Variants in NDUFAF5 observed in about 807,000 individuals in gnomAD.
NDUFAF5 encodes the protein arginine-hydroxylase NDUFAF5, mitochondrial.
NDUFAF5 carries 34 observed loss-of-function variants against 48.9 expected under a neutral mutation model. The observed-to-expected ratio is 0.70, with a 90% confidence interval of 0.53 to 0.93. The LOEUF is 0.93. Among genes scored for constraint, NDUFAF5 ranks in the 40% least tolerant of loss-of-function variants. The pLI, the probability that NDUFAF5 is intolerant of heterozygous loss-of-function variation, is 0.00. For synonymous variants in NDUFAF5, 153 were observed against 150.6 expected (o/e 1.02, Z -0.12); for missense variants, 428 against 427.5 (o/e 1.00, Z -0.01).
At chr20:13,817,078 T>G in intron 10 of NDUFAF5, 40 bp from the exon 11 acceptor site, 3 of 1,586,210 alleles carry the variant, frequency 1.9e-6, no homozygotes, top group Non-Finnish European at 1.7e-6. Flanking sequence ...CTGTGTATTA[T>G]CTATCTATTT....
chr20:13,787,462 C>A, intron 2 of NDUFAF5, 110 bp downstream of exon 2: 1 of 997,860 alleles, frequency 1.0e-6, no homozygotes, highest in South Asian at 1.3e-5. Flanking sequence ...AGAATTTACT[C>A]AGACTGGTGA....
rs1416844978 is a variant in NDUFAF5, at chr20:13,821,392, C to T, written c.*4182C>T. 1 of 152,294 alleles carries T rather than the reference C, an allele frequency of 6.6e-6. No homozygotes were observed. The highest frequency in any genetic ancestry group is 1.9e-4 in the East Asian group (1 of 5,198). The allele number at this position is 152,294 out of a possible 1,614,324, so 9.4% of individuals were successfully genotyped here. On this transcript the variant is annotated 3_prime_UTR_variant, in exon 11 of 11. Transcript: ENST00000378106. ...AGACCTAGAAGTGAGGAGCAGAGGC[C>T]TCCAGCCAAAAGCCATGTGAGGGAG...
intron 2 of NDUFAF5, 137 bp downstream of exon 2, chr20:13,787,489 AG>A: frequency 1.2e-6 from 1 of 852,398 alleles, no homozygotes; most frequent in Non-Finnish European, 2.0e-6. Flanking sequence ...TCACTCTGTA[AG>A]TCTCCTTTTT....
intron 1 of NDUFAF5, among the ~76,000 whole-genome samples, chr20:13,786,306 T>G (rs1981109149): frequency 6.6e-6 from 1 of 152,202 alleles, no homozygotes; most frequent in Non-Finnish European, 1.5e-5. Flanking sequence ...ATGTCTATTA[T>G]AGGAAGTTTA....
At chr20:13,813,916 T>C (rs895984000) in intron 8 of NDUFAF5, among the ~76,000 whole-genome samples, 4 of 152,154 alleles carry the variant, frequency 2.6e-5, no homozygotes, top group African/African-American at 9.7e-5. Flanking sequence ...TTTTTCAGAT[T>C]AGCGTTGTAA....
At chr20:13,801,973 CT>C (rs2147555821) in intron 7 of NDUFAF5, 1 of 335,598 alleles carries the variant, frequency 3.0e-6, no homozygotes, top group African/African-American at 2.2e-5. Context: ...CCATTAGAAT[CT>C]TCAAATCTAG....
In NDUFAF5 at chr20:13,801,699, G is replaced by C; in HGVS notation, c.717+16G>C. 2 of 1,603,584 alleles carry C rather than the reference G, an allele frequency of 1.2e-6. No homozygotes were observed. The highest frequency in any genetic ancestry group is 8.5e-7 in the Non-Finnish European group (1 of 1,170,662). On this transcript the variant is annotated intron_variant, in intron 7 of 10. Coordinates refer to ENST00000378106, the MANE Select transcript of NDUFAF5 (RefSeq NM_024120.5). ...TCTGACTGTGGTAACTATCAAGTTC[G>C]ATTAACCCATAACTTACACAGTTCA...
At chr20:13,795,035 G>A (rs1568755503) in intron 5 of NDUFAF5, 94 bp downstream of exon 5, 11 of 830,878 alleles carry the variant, frequency 1.3e-5, no homozygotes, top group East Asian at 8.0e-5. Context: ...GCTCACGCCT[G>A]TAATGCTAGC....
intron 7 of NDUFAF5, chr20:13,803,198 C>T (rs1419491868): frequency 6.6e-6 from 1 of 152,124 alleles, no homozygotes; most frequent in Non-Finnish European, 1.5e-5. Flanking sequence ...AAAGGAGCCT[C>T]CAGGGAGGGA....
At chr20:13,802,281 C>A (rs147708405) in intron 7 of NDUFAF5, among the ~76,000 whole-genome samples, 90 of 152,286 alleles carry the variant, frequency 5.9e-4, no homozygotes, top group African/African-American at 2.0e-3. Flanking sequence ...GGACTTTGTT[C>A]TCCGACAGGA....
chr20:13,791,064 C>T (rs1026749156), intron 3 of NDUFAF5, among the ~76,000 whole-genome samples: 1 of 152,100 alleles, frequency 6.6e-6, no homozygotes, highest in African/African-American at 2.4e-5. Context: ...TGCAAGATAA[C>T]TTTAGAGTTT....
In NDUFAF5 at chr20:13,785,223, A is replaced by C. The variant is rs531254130; in HGVS notation, c.155A>C (p.Lys52Thr). 9.3e-6 allele frequency: 15 copies of C among 1,613,768 alleles called. No individual in the cohort carries two copies. The East Asian group carries it at 3.3e-4, about 36-fold the overall frequency. Residue 52 changes from lysine to threonine, a missense_variant, in exon 1 of 11, where the codon AAA becomes ACA. Physicochemically the swap from Lys to Thr is moderately conservative, Grantham distance 78. Coordinates refer to ENST00000378106, the MANE Select transcript of NDUFAF5 (RefSeq NM_024120.5). The stretch of plus-strand genomic sequence containing the variant: ...CTGAATATTTTCGACCGGGATTTGA[A>C]AAGGAAACAGAAGAACTGGGCAGCC... ...RTLNIFDRDL[K>T]RKQKNWAARQ... is the part of the protein sequence containing the mutation.
chr20:13,809,434 G>C (rs1307044225), intron 8 of NDUFAF5, among the ~76,000 whole-genome samples: 7 of 152,190 alleles, frequency 4.6e-5, no homozygotes, highest in Admixed American at 4.6e-4. Flanking sequence ...AGACAGAGTA[G>C]GCAAGTGAAT....
intron 7 of NDUFAF5, among the ~76,000 whole-genome samples, chr20:13,805,511 G>A (rs1263099137): frequency 1.3e-5 from 2 of 151,916 alleles, no homozygotes; most frequent in African/African-American, 4.8e-5. Flanking sequence ...TAAAAATATT[G>A]GTGTAGAATC....
At chr20:13,802,568 G>A (rs1391089126) in intron 7 of NDUFAF5, among the ~76,000 whole-genome samples, 1 of 151,404 alleles carries the variant, frequency 6.6e-6, no homozygotes, top group African/African-American at 2.4e-5. Context: ...TACTCTGGAG[G>A]CTGAGGCAGG....
chr20:13,812,813 C>T (rs562683510), intron 8 of NDUFAF5, among the ~76,000 whole-genome samples: 16 of 152,270 alleles, frequency 1.1e-4, no homozygotes, highest in Non-Finnish European at 1.9e-4. Flanking sequence ...GTATATTCAG[C>T]GAAATGTATT....
rs930964715 is a variant in NDUFAF5 at position 13,818,114 on chromosome 20, C to T, written c.*904C>T. The T allele has an allele frequency of 2.2e-6, 1 of 454,126 alleles. No homozygotes were observed. The highest frequency in any genetic ancestry group is 4.4e-6 in the Non-Finnish European group (1 of 226,800). 28.1% of individuals were successfully genotyped at this position (454,126 alleles called of 1,614,324 possible). ...CTATAATAGCATTTCCTTCTGTCTCCTCTCAGTCTCTCTTCTGCCTTCCTT... is the reference window on the plus strand; with the variant it reads ...CTATAATAGCATTTCCTTCTGTCTCTTCTCAGTCTCTCTTCTGCCTTCCTT... On this transcript the variant is annotated 3_prime_UTR_variant, in exon 11 of 11. Transcript: ENST00000378106.
Position 13,793,230 on chromosome 20 carries a change from A to T in NDUFAF5, c.375+3A>T. 6.2e-7 allele frequency: 1 copy of T among 1,611,806 alleles called. No individual in the cohort carries two copies. Among genetic ancestry groups the T allele is most frequent in the Non-Finnish European group, 8.5e-7 (1 of 1,178,166 alleles). On this transcript the variant is annotated splice_donor_region_variant and intron_variant, in intron 4 of 10. Coordinates refer to ENST00000378106, the MANE Select transcript of NDUFAF5 (RefSeq NM_024120.5). ...CTGACATTGCAGAAAATGCTTTGGTAGGTAGCTTTTTAATACTGTTGGTTT... is the reference window on the plus strand; with the variant it reads ...CTGACATTGCAGAAAATGCTTTGGTTGGTAGCTTTTTAATACTGTTGGTTT...
Position 13,818,431 on chromosome 20 carries a change from T to C in NDUFAF5, c.*1221T>C, listed in dbSNP as rs1225932656. The C allele has an allele frequency of 9.0e-6, 3 of 331,658 alleles. No homozygotes were observed. The highest frequency in any genetic ancestry group is 6.7e-5 in the African/African-American group (3 of 44,866). The allele number at this position is 331,658 out of a possible 1,614,324, so 20.5% of individuals were successfully genotyped here. ...AACCTGTGAAGTAGAATTTGGCGTT[T>C]TGTTTTTTGGGGTTTTTTTTTTTTT... On this transcript the variant is annotated 3_prime_UTR_variant, in exon 11 of 11. Transcript: ENST00000378106.
Sources: gnomAD v4.1 joint callset for allele counts (sites outside exome capture counted in the v4.1 genomes callset) on GRCh38, gnomAD v4.1.1 for gene constraint, MANE v1.5 for transcripts, NCBI Gene and HGNC (gene_info 2026-07-23, HGNC 2026-07-21) for gene names.